The following CLCN1 variants were observed in gnomAD, a reference collection of about 807,000 sequenced individuals.
CLCN1 encodes the protein chloride voltage-gated channel 1.
In CLCN1, 100 loss-of-function variants were observed where a neutral mutation model predicts 114.5. The observed-to-expected ratio is 0.87, with a 90% CI of 0.74 to 1.03. The LOEUF (loss-of-function observed/expected upper bound fraction) is 1.03, where lower values mean the gene tolerates loss of function less well. Among genes scored for constraint, CLCN1 ranks in the 50% least tolerant of loss-of-function variants. CLCN1 has a pLI of 0.00. For synonymous variants in CLCN1, 485 were observed against 487.1 expected, an observed-to-expected ratio of 1.00 and a Z score of 0.06; for missense variants, 1,188 against 1,250.0, an observed-to-expected ratio of 0.95 and a Z score of 0.75.
chr7:143,327,255 A>AG (rs1273587880), intron 7 of CLCN1, among the ~76,000 whole-genome samples: 1 of 128,686 alleles, frequency 7.8e-6, no homozygotes, highest in African/African-American at 2.8e-5. Flanking sequence ...CTTAAAAAAA[A>AG]AAAAAAAGAA....
Position 143,331,752 on chromosome 7 carries a change from T to C in CLCN1, c.1166+100T>C. On this transcript the variant is annotated intron_variant, in intron 10 of 22. Coordinates refer to ENST00000343257, the MANE Select transcript of CLCN1 (RefSeq NM_000083.3). ...GGGGAAGGCATTAAATGCCTCTGGG[T>C]GGCTTGCATTAAAATATAAGGAAGC... 3.7e-6 allele frequency: 3 copies of C among 813,332 alleles called. No individual in the cohort carries two copies. In the South Asian group the frequency reaches 4.1e-5, roughly 11 times the overall value. 50.4% of individuals were successfully genotyped at this position (813,332 alleles called of 1,614,324 possible). A position where few individuals can be genotyped will look rare whatever the true frequency, so the allele number is the denominator to read the frequency against.
chr7:143,334,304 C>T (rs1802813365), intron 12 of CLCN1, among the ~76,000 whole-genome samples: 1 of 152,084 alleles, frequency 6.6e-6, no homozygotes, highest in Non-Finnish European at 1.5e-5. Context: ...TAACACAACA[C>T]TTTCCTCTGT....
chr7:143,323,592 T>A, intron 6 of CLCN1: 1 of 688,242 alleles, frequency 1.5e-6, no homozygotes, highest in Non-Finnish European at 2.7e-6. Flanking sequence ...GTCCTCCAAA[T>A]GTCCACCCCT....
Position 143,351,759 on chromosome 7 carries a change from G to A in CLCN1, c.2761G>A (p.Asp921Asn), listed in dbSNP as rs867539633. The change falls in exon 23 of 23, where the codon GAT becomes AAT. Residue 921 changes from aspartate (D) to asparagine (N), a missense_variant. Physicochemically the swap from Asp to Asn is conservative, Grantham distance 23. Transcript: ENST00000343257. ...CAGGCCTGGGGCCACTGGAACAGGG[G>A]ATGTGATTGCTGCCTCCCCAGAGAC... ...EDRPGATGTG[D>N]VIAASPETPV... is the part of the protein sequence containing the mutation. 1 of 1,614,188 alleles carries A rather than the reference G, an allele frequency of 6.2e-7. No homozygotes were observed. The highest frequency in any genetic ancestry group is 8.5e-7 in the Non-Finnish European group (1 of 1,180,036).
chr7:143,346,949 G>A lies in CLCN1; in HGVS notation c.2403G>A (p.Glu801=). 4.3e-6 allele frequency: 7 copies of A among 1,612,972 alleles called. No homozygotes were observed. The highest frequency in any genetic ancestry group is 5.9e-6 in the Non-Finnish European group (7 of 1,178,946). Residue 801 remains glutamate, a splice_region_variant and synonymous_variant, in exon 20 of 23, where the codon GAG becomes GAA. Coordinates refer to ENST00000343257, the MANE Select transcript of CLCN1 (RefSeq NM_000083.3). ...TAGTGGATAACATGTCACCTGAAGAGGTGAGTAAGGGAAATGGAAACCTGG... is the reference window on the plus strand; with the variant it reads ...TAGTGGATAACATGTCACCTGAAGAAGTGAGTAAGGGAAATGGAAACCTGG... ...TDLVDNMSPE[E]IEAWEQEQLS... is the part of the protein sequence containing the mutation.
rs921162119 is a variant in CLCN1, at chr7:143,324,456, G to A, written c.817G>A (p.Val273Met). The change falls in exon 7 of 23, where the codon GTG becomes ATG. Residue 273 changes from valine (V) to methionine (M), a missense_variant. Physicochemically the swap from Val to Met is conservative, Grantham distance 21. Transcript: ENST00000343257. The surrounding 1 kb of genome is among the most constrained non-coding windows in gnomAD (Gnocchi z 4.6). ...YSDILTVGCA[V>M]GVGCCFGTPL... ...TGATATCCTGACGGTGGGCTGTGCT[G>A]TGGGAGTCGGCTGTTGTTTTGGGAC... 6.8e-6 allele frequency: 11 copies of A among 1,613,854 alleles called. No individual in the cohort carries two copies. The highest frequency in any genetic ancestry group is 9.3e-6 in the Non-Finnish European group (11 of 1,179,992).
At position 143,324,514 on chromosome 7, in the gene CLCN1, C is replaced by T; in HGVS notation, c.853+22C>T. 1 of 1,592,516 alleles carries T rather than the reference C, an allele frequency of 6.3e-7. No individual in the cohort carries two copies. Among genetic ancestry groups the T allele is most frequent in the Non-Finnish European group, 8.6e-7 (1 of 1,160,464 alleles). ...GGAGGCAAGTGATTGACCCCCTCCC[C>T]CATCAATCGGCTTGCCTGGCCTGGC... On this transcript the variant is annotated intron_variant, in intron 7 of 22. Transcript: ENST00000343257. This position sits in a 1 kb window ranked among gnomAD's most constrained non-coding sequence, Gnocchi z 4.6.
intron 12 of CLCN1, among the ~76,000 whole-genome samples, chr7:143,336,975 TG>T (rs1802921388): frequency 6.6e-6 from 1 of 152,234 alleles, no homozygotes; most frequent in Non-Finnish European, 1.5e-5. Flanking sequence ...TTCAAAGAGA[TG>T]GTACAGGATA....
intron 1 of CLCN1, among the ~76,000 whole-genome samples, chr7:143,319,480 T>G (rs982802826): frequency 3.9e-5 from 6 of 152,162 alleles, no homozygotes; most frequent in African/African-American, 9.7e-5. Context: ...AAAACTGGCC[T>G]CCTTGATAAA....
rs1169171168 is a variant in CLCN1 at position 143,346,137 on chromosome 7, C to G, written c.2173-3C>G. On this transcript the variant is annotated splice_region_variant and splice_polypyrimidine_tract_variant and intron_variant, in intron 17 of 22. Coordinates refer to ENST00000343257, the MANE Select transcript of CLCN1 (RefSeq NM_000083.3). ...GGCTGAGACTTCTTACTCTTCCTTA[C>G]AGCTTCCTCCTTCCCTTGCTCTCCA... 1.3e-6 allele frequency: 2 copies of G among 1,575,622 alleles called. No individual in the cohort carries two copies. The highest frequency in any genetic ancestry group is 2.2e-5 in the South Asian group (2 of 90,256).
Position 143,350,501 on chromosome 7 carries a change from G to GGCTGTGGGGAAGGCAGGAGA in CLCN1, c.2508+35_2509-38dup. On this transcript the variant is annotated intron_variant, in intron 21 of 22. Transcript: ENST00000343257. The surrounding 1 kb of genome is among the most constrained non-coding windows in gnomAD (Gnocchi z 5.1). ...GGTGAGTCTTTTGCTGACTGCTCAG[G>GGCTGTGGGGAAGGCAGGAGA]GCTGTGGGGAAGGCAGGAGAGCTGT... The GGCTGTGGGGAAGGCAGGAGA allele has an allele frequency of 6.2e-7, 1 of 1,611,140 alleles. No homozygotes were observed. Among genetic ancestry groups the GGCTGTGGGGAAGGCAGGAGA allele is most frequent in the Non-Finnish European group, 8.5e-7 (1 of 1,177,320 alleles).
chr7:143,336,919 G>T (rs1188544991), intron 12 of CLCN1, among the ~76,000 whole-genome samples: 1 of 152,160 alleles, frequency 6.6e-6, no homozygotes, highest in Non-Finnish European at 1.5e-5. Context: ...AGAGCTTTCA[G>T]ATTAACCTGA....
chr7:143,328,724 G>A (rs1039102443), intron 7 of CLCN1, among the ~76,000 whole-genome samples: 2 of 152,132 alleles, frequency 1.3e-5, no homozygotes, highest in Non-Finnish European at 2.9e-5. Context: ...AGGCCCCAGA[G>A]GCAGCTGCTT....
chr7:143,351,021 G>A (rs1200468838), intron 22 of CLCN1, among the ~76,000 whole-genome samples: 4 of 152,068 alleles, frequency 2.6e-5, no homozygotes, highest in African/African-American at 4.8e-5. Context: ...CAGGTGATCC[G>A]CCCGCCTCGG....
In CLCN1 at chr7:143,321,225, GT is replaced by G; in HGVS notation, c.434-139del. 1.0e-6 allele frequency: 1 copy of G among 1,002,270 alleles called. No individual in the cohort carries two copies. The highest frequency in any genetic ancestry group is 1.5e-6 in the Non-Finnish European group (1 of 657,522). 62.1% of individuals were successfully genotyped at this position (1,002,270 alleles called of 1,614,324 possible). A position where few individuals can be genotyped will look rare whatever the true frequency, so the allele number is the denominator to read the frequency against. ...CGCCTCCATAACTCAGGCTTCCCAT[GT>G]GTCAAATGAGAGCAGCACCATCTCA... On this transcript the variant is annotated intron_variant, in intron 3 of 22. Coordinates refer to ENST00000343257, the MANE Select transcript of CLCN1 (RefSeq NM_000083.3). The surrounding 1 kb of genome is among the most constrained non-coding windows in gnomAD (Gnocchi z 4.2).
intron 15 of CLCN1, 94 bp downstream of exon 15, chr7:143,342,236 C>T (rs911789795): frequency 2.7e-6 from 4 of 1,492,654 alleles, no homozygotes; most frequent in Non-Finnish European, 3.7e-6. Flanking sequence ...TTTGGAAACA[C>T]TGTTTTAAAT....
At chr7:143,340,213 G>A (rs1175189115) in intron 14 of CLCN1, among the ~76,000 whole-genome samples, 1 of 152,126 alleles carries the variant, frequency 6.6e-6, no homozygotes, top group African/African-American at 2.4e-5. Flanking sequence ...CTAAGGCCAT[G>A]CCTTCCCTAC....
chr7:143,338,140 G>A (rs759460401), intron 12 of CLCN1, among the ~76,000 whole-genome samples: 15 of 151,894 alleles, frequency 9.9e-5, no homozygotes, highest in South Asian at 6.2e-4. Context: ...CTCTGCACCC[G>A]GACAATTCTT....
chr7:143,351,279 G>C (rs529875218), intron 22 of CLCN1, among the ~76,000 whole-genome samples: 1 of 152,096 alleles, frequency 6.6e-6, no homozygotes, highest in Non-Finnish European at 1.5e-5. Flanking sequence ...TCGGGGATGC[G>C]CTTTGAGGAA....
Sources: allele counts gnomAD v4.1 joint callset (sites outside exome capture counted in the v4.1 genomes callset), GRCh38; gene constraint gnomAD v4.1.1; non-coding constraint Gnocchi (gnomAD v3.1); transcripts MANE v1.5; gene names NCBI Gene and HGNC (gene_info 2026-07-23, HGNC 2026-07-21).